Variants in IQSEC3 observed in about 807,000 individuals in gnomAD.
IQSEC3 encodes the protein IQ motif and SEC7 domain-containing protein 3.
A neutral mutation model predicts 105.4 loss-of-function variants in IQSEC3; 50 were observed. That is an observed-to-expected ratio of 0.47 (90% CI 0.38 to 0.60). The LOEUF is 0.60. IQSEC3 is among the 20% of genes least tolerant of loss of function. The pLI, the probability that IQSEC3 is intolerant of heterozygous loss-of-function variation, is 0.00. For missense variants in IQSEC3, 1,415 were observed against 1,630.0 expected (o/e 0.87, Z 2.27); for synonymous variants, 708 against 746.0 (o/e 0.95, Z 0.83).
chr12:116,963 A>G (rs1164218068), intron 2 of IQSEC3, among the ~76,000 whole-genome samples: 3 of 152,210 alleles, frequency 2.0e-5, no homozygotes, highest in Non-Finnish European at 4.4e-5. Flanking sequence ...AGCTGAGTAC[A>G]TGTGGATATT....
chr12:165,305 T>A, intron 9 of IQSEC3, 129 bp from the exon 10 acceptor site: 2 of 721,074 alleles, frequency 2.8e-6, no homozygotes, highest in Admixed American at 3.8e-5. Flanking sequence ...TATATGTATA[T>A]CTGTACCTGT....
intron 2 of IQSEC3, among the ~76,000 whole-genome samples, chr12:104,643 C>T (rs1281781525): frequency 6.6e-6 from 1 of 152,230 alleles, no homozygotes; most frequent in Non-Finnish European, 1.5e-5. Context: ...CTAACCACTT[C>T]CTCCCGGGCC....
intron 1 of IQSEC3, among the ~76,000 whole-genome samples, chr12:82,761 A>AGGTT (rs1863789052): frequency 6.6e-6 from 1 of 152,206 alleles, no homozygotes; most frequent in Non-Finnish European, 1.5e-5. Flanking sequence ...AAGCAACGTG[A>AGGTT]GGTTGCTTGT....
intron 1 of IQSEC3, among the ~76,000 whole-genome samples, chr12:72,519 A>G (rs1555067779): frequency 7.3e-6 from 1 of 137,214 alleles, no homozygotes. Context: ...GCAGCTTAGT[A>G]AGGAGTTCTT....
At chr12:125,582 GC>G in intron 2 of IQSEC3, 50 bp from the exon 3 acceptor site, 1 of 1,442,614 alleles carries the variant, frequency 6.9e-7, no homozygotes, top group Non-Finnish European at 9.0e-7. Context: ...ACATCCACAC[GC>G]ACCCTGTCGC....
intron 2 of IQSEC3, among the ~76,000 whole-genome samples, chr12:100,242 T>G (rs559427411): frequency 6.6e-6 from 1 of 152,260 alleles, no homozygotes; most frequent in East Asian, 1.9e-4. Flanking sequence ...TGGGCAGGTC[T>G]TCTTGTCCCT....
At chr12:126,350 A>G (rs1865408654) in intron 3 of IQSEC3, among the ~76,000 whole-genome samples, 1 of 152,252 alleles carries the variant, frequency 6.6e-6, no homozygotes. Flanking sequence ...GTCTCCTCGA[A>G]GCAGACAGGA....
rs574473129 is a variant in IQSEC3, at chr12:102,087, C to G, written c.623+2873C>G. ...CTCTGAGACAAGCCAGGCTCCTCCC[C>G]CATCAGTCTGGCTCCTCCCCCATCA... On this transcript the variant is annotated intron_variant, in intron 2 of 13. Coordinates refer to ENST00000538872, the MANE Select transcript of IQSEC3 (RefSeq NM_001170738.2). Among the ~76,000 whole-genome samples, 134 of 151,690 alleles carry G rather than the reference C, an allele frequency of 8.8e-4. 1 individual carries two copies. Among genetic ancestry groups the G allele is most frequent in the Non-Finnish European group, 1.3e-3 (89 of 67,874 alleles).
chr12:124,389 CA>C (rs55767927), intron 2 of IQSEC3, among the ~76,000 whole-genome samples: 2,188 of 124,910 alleles, frequency 0.018, 55 homozygotes, highest in African/African-American at 0.062. Flanking sequence ...AACTCCATCT[CA>C]AAAAAAAAAA....
At chr12:119,254 T>C (rs1330977532) in intron 2 of IQSEC3, among the ~76,000 whole-genome samples, 1 of 152,150 alleles carries the variant, frequency 6.6e-6, no homozygotes, top group Admixed American at 6.5e-5. Flanking sequence ...ATATTTTATC[T>C]GTGTGACCAG....
intron 2 of IQSEC3, among the ~76,000 whole-genome samples, chr12:122,410 G>A (rs1865249248): frequency 6.6e-6 from 1 of 152,228 alleles, no homozygotes; most frequent in Non-Finnish European, 1.5e-5. Flanking sequence ...GTGAGTGTGT[G>A]TGTACATGAG....
At position 139,156 on chromosome 12, in the gene IQSEC3, G is replaced by A; in HGVS notation, c.1793G>A (p.Ser598Asn). Residue 598 changes from serine to asparagine, a missense_variant, in exon 4 of 14, where the codon AGC becomes AAC. Physicochemically the swap from Ser to Asn is conservative, Grantham distance 46 (BLOSUM62 1). Transcript: ENST00000538872. ...GAGGCAGGCGACTTGGAGCAGCTGAGCAGCAGCAGCACGTCCACCAAGTCC... is the reference window on the plus strand; with the variant it reads ...GAGGCAGGCGACTTGGAGCAGCTGAACAGCAGCAGCACGTCCACCAAGTCC... ...EAEAGDLEQL[S>N]SSSTSTKSAK... is the part of the protein sequence containing the mutation. 6.4e-7 allele frequency: 1 copy of A among 1,556,264 alleles called. No homozygotes were observed. The highest frequency in any genetic ancestry group is 8.7e-7 in the Non-Finnish European group (1 of 1,152,562).
intron 5 of IQSEC3, among the ~76,000 whole-genome samples, chr12:147,410 C>T (rs1057503186): frequency 1.3e-5 from 2 of 152,178 alleles, no homozygotes; most frequent in Non-Finnish European, 2.9e-5. Context: ...TAATCTGTAC[C>T]CAATGAAGGC....
intron 8 of IQSEC3, among the ~76,000 whole-genome samples, 187 bp downstream of exon 8, chr12:162,252 C>T (rs776736074): frequency 1.2e-4 from 18 of 151,948 alleles, no homozygotes; most frequent in Non-Finnish European, 2.5e-4. Context: ...TTCCTCATTG[C>T]CTCTTGCCAC....
At chr12:142,728 G>A (rs1240675389) in intron 5 of IQSEC3, 2 of 152,342 alleles carry the variant, frequency 1.3e-5, no homozygotes, top group Non-Finnish European at 2.9e-5. Context: ...CAGCACTGCT[G>A]TGGGGGCCCA....
At chr12:119,115 T>C (rs548285406) in intron 2 of IQSEC3, among the ~76,000 whole-genome samples, 1 of 152,212 alleles carries the variant, frequency 6.6e-6, no homozygotes, top group Non-Finnish European at 1.5e-5. Flanking sequence ...AAGTTGGGTG[T>C]GGTTCTCAAG....
chr12:69,260 G>C (rs187291184), intron 1 of IQSEC3, among the ~76,000 whole-genome samples: 4 of 152,278 alleles, frequency 2.6e-5, no homozygotes, highest in Non-Finnish European at 5.9e-5. Context: ...GTTGAGGAAA[G>C]ATTATTTTTC....
chr12:165,628 G>A, intron 10 of IQSEC3, 95 bp downstream of exon 10: 2 of 1,568,032 alleles, frequency 1.3e-6, no homozygotes, highest in Non-Finnish European at 1.8e-6. Flanking sequence ...CAGCAGAGTG[G>A]GTGGAGGCAT....
At chr12:136,316 C>T (rs1443023353) in intron 3 of IQSEC3, among the ~76,000 whole-genome samples, 1 of 152,176 alleles carries the variant, frequency 6.6e-6, no homozygotes, top group Non-Finnish European at 1.5e-5. Flanking sequence ...CTAAGGATGT[C>T]TCATTTTATC....
Sources: gnomAD v4.1 joint callset for allele counts (sites outside exome capture counted in the v4.1 genomes callset) on GRCh38, gnomAD v4.1.1 for gene constraint, MANE v1.5 for transcripts, NCBI Gene and HGNC (gene_info 2026-07-23, HGNC 2026-07-21) for gene names.